WDR82: variants seen among roughly 807,000 people sequenced by gnomAD.
The protein encoded by WDR82 is WD repeat domain 82.
In WDR82, 8 loss-of-function variants were observed where a neutral mutation model predicts 36.1. The observed-to-expected ratio is 0.22, with a 90% CI of 0.13 to 0.40. The LOEUF (loss-of-function observed/expected upper bound fraction) is 0.40, where lower values mean the gene tolerates loss of function less well. Ranked by LOEUF, WDR82 falls within the 10% of genes least tolerant of loss-of-function variation. WDR82 has a pLI of 1.00. For missense variants in WDR82, 185 were observed against 400.5 expected (o/e 0.46, Z 4.59); for synonymous variants, 129 against 137.8 (o/e 0.94, Z 0.45).
intron 1 of WDR82, among the ~76,000 whole-genome samples, chr3:52,277,693 G>C (rs1448846705): frequency 2.0e-5 from 3 of 152,250 alleles, no homozygotes; most frequent in Non-Finnish European, 4.4e-5. Context: ...GCGGTCTGAC[G>C]GCAGAAAGGC....
At position 52,256,259 on chromosome 3, in the gene WDR82, C is replaced by G. The variant is rs1336773987; in HGVS notation, c.*1231G>C. 6.5e-6 allele frequency: 1 copy of G among 153,786 alleles called. No homozygotes were observed. The highest frequency in any genetic ancestry group is 1.5e-5 in the Non-Finnish European group (1 of 68,056). The allele number at this position is 153,786 out of a possible 1,614,324, so 9.5% of individuals were successfully genotyped here. On this transcript the variant is annotated 3_prime_UTR_variant, in exon 9 of 9. Transcript: ENST00000296490. ...GACTCACTAATACTTGTGGCAAACA[C>G]TATTAGCAGGGATGCAGGGTGTCTC...
Position 52,257,334 on chromosome 3 carries a change from T to C in WDR82, c.*156A>G, listed in dbSNP as rs966829555. On this transcript the variant is annotated 3_prime_UTR_variant, in exon 9 of 9. Transcript: ENST00000296490. ...GACGCTCATCAAAGTAATTATTTTC[T>C]TTTGAGCAGATGTACAGCACATCCA... The C allele has an allele frequency of 2.0e-6, 2 of 979,456 alleles. No homozygotes were observed. The highest frequency in any genetic ancestry group is 1.6e-5 in the African/African-American group (1 of 61,134). The allele number at this position is 979,456 out of a possible 1,614,324, so 60.7% of individuals were successfully genotyped here.
chr3:52,268,743 A>G (rs1259962300), intron 2 of WDR82, among the ~76,000 whole-genome samples: 1 of 152,124 alleles, frequency 6.6e-6, no homozygotes, highest in Non-Finnish European at 1.5e-5. Flanking sequence ...AAAAAATGGA[A>G]AAAAGGACTT....
At chr3:52,275,581 T>C (rs1700195701) in intron 1 of WDR82, among the ~76,000 whole-genome samples, 1 of 152,060 alleles carries the variant, frequency 6.6e-6, no homozygotes, top group Non-Finnish European at 1.5e-5. Context: ...AAGAATGTCT[T>C]TGTGCTTAGA....
At chr3:52,268,072 C>T in intron 2 of WDR82, 1 of 275,858 alleles carries the variant, frequency 3.6e-6, no homozygotes, top group Non-Finnish European at 7.5e-6. Context: ...TTGTATATTC[C>T]ATAACTTGAA....
Position 52,258,597 on chromosome 3 carries a change from G to A in WDR82, c.851C>T (p.Pro284Leu), listed in dbSNP as rs1424345325. The A allele has an allele frequency of 2.5e-6, 4 of 1,614,098 alleles. No homozygotes were observed. Among genetic ancestry groups the A allele is most frequent in the Admixed American group, 3.3e-5 (2 of 60,006 alleles). Residue 284 changes from proline (P) to leucine (L), a missense_variant, in exon 8 of 9, where the codon CCG becomes CTG. By Grantham distance (98) the Pro-to-Leu change is moderately conservative. Transcript: ENST00000296490. The stretch of plus-strand genomic sequence containing the variant: ...GGGGTTGAATTGCAAACAGGTAATC[G>A]GGCCTGTGTGTTTACCATCCAACAC... Reference protein sequence around the residue: ...VAVLDGKHTGPITCLQFNPKF... With the variant: ...VAVLDGKHTGLITCLQFNPKF...
chr3:52,259,347 T>G (rs1700039812), intron 6 of WDR82, 81 bp from the exon 7 acceptor site: 2 of 1,315,450 alleles, frequency 1.5e-6, no homozygotes, highest in South Asian at 2.4e-5. Flanking sequence ...ACTCAGCACA[T>G]GCATCACCTT....
chr3:52,262,486 C>T (rs537653420), intron 3 of WDR82, among the ~76,000 whole-genome samples: 8 of 152,314 alleles, frequency 5.3e-5, no homozygotes, highest in African/African-American at 1.4e-4. Flanking sequence ...TAAGTGGCAT[C>T]AGCATCACCT....
intron 4 of WDR82, 136 bp downstream of exon 4, chr3:52,261,242 CAG>C (rs998061985): frequency 1.2e-4 from 82 of 707,580 alleles, no homozygotes; most frequent in Non-Finnish European, 1.7e-4. Flanking sequence ...ACTAAAAAAA[CAG>C]ATTTTCTCCA....
At chr3:52,265,722 C>T (rs1700101014) in intron 3 of WDR82, among the ~76,000 whole-genome samples, 1 of 152,048 alleles carries the variant, frequency 6.6e-6, no homozygotes, top group South Asian at 2.1e-4. Context: ...ATTACAGGCG[C>T]ACACCACCAC....
intron 3 of WDR82, among the ~76,000 whole-genome samples, chr3:52,263,232 G>A (rs1472043486): frequency 6.6e-6 from 1 of 152,198 alleles, no homozygotes; most frequent in Non-Finnish European, 1.5e-5. Flanking sequence ...GAGAAGTACA[G>A]GGAACACATG....
chr3:52,255,353 A>G lies in WDR82; in HGVS notation c.*2137T>C, dbSNP rs556740879. On this transcript the variant is annotated 3_prime_UTR_variant, in exon 9 of 9. Transcript: ENST00000296490. ...TGCTTGGTGGCTGCTCTGGTTGCAG[A>G]TATGTGAAGTTAGGTAGCCTTTCCT... 2 of 152,226 alleles carry G rather than the reference A, an allele frequency of 1.3e-5. No individual in the cohort carries two copies. Among genetic ancestry groups the G allele is most frequent in the East Asian group, 1.9e-4 (1 of 5,172 alleles). The allele number at this position is 152,226 out of a possible 1,614,324, so 9.4% of individuals were successfully genotyped here.
chr3:52,258,779 G>A, intron 7 of WDR82, 101 bp from the exon 8 acceptor site: 4 of 1,537,612 alleles, frequency 2.6e-6, no homozygotes, highest in Non-Finnish European at 3.5e-6. Context: ...CCAAGCTTTA[G>A]GACCCATCCC....
At chr3:52,264,585 T>C (rs1247423661) in intron 3 of WDR82, among the ~76,000 whole-genome samples, 6 of 152,152 alleles carry the variant, frequency 3.9e-5, no homozygotes, top group African/African-American at 9.6e-5. Context: ...TCAAGTTTGA[T>C]AGTGAAAAGG....
chr3:52,269,402 G>A (rs1238303165), intron 2 of WDR82, among the ~76,000 whole-genome samples: 1 of 152,194 alleles, frequency 6.6e-6, no homozygotes, highest in Non-Finnish European at 1.5e-5. Context: ...TTGAACCCAG[G>A]AGGCTGAGAT....
chr3:52,277,988 TATTATAAA>T (rs1462511266), intron 1 of WDR82, among the ~76,000 whole-genome samples: 1 of 152,014 alleles, frequency 6.6e-6, no homozygotes, highest in African/African-American at 2.4e-5. Context: ...ATACAAATAA[TATTATAAA>T]ATTATGACTA....
rs758762517 is a variant in WDR82 at position 52,278,236 on chromosome 3, G to A, written c.126C>T (p.Asp42=). Residue 42 remains aspartate, a synonymous_variant, in exon 1 of 9, where the codon GAC becomes GAT. Transcript: ENST00000296490. ...NGETVISSSD[D]DSIVLYDCQE... is the part of the protein sequence containing the mutation. The stretch of plus-strand genomic sequence containing the variant: ...GGCAGTCATAGAGCACGATGGAGTC[G>A]TCGTCGCTACTCGAGATGACCGTCT... 2 of 1,607,882 alleles carry A rather than the reference G, an allele frequency of 1.2e-6. No individual in the cohort carries two copies. Among genetic ancestry groups the A allele is most frequent in the East Asian group, 2.3e-5 (1 of 43,864 alleles).
chr3:52,276,893 C>T (rs1009750541), intron 1 of WDR82, among the ~76,000 whole-genome samples: 10 of 151,406 alleles, frequency 6.6e-5, no homozygotes, highest in Non-Finnish European at 1.3e-4. Context: ...TCTCACAGCC[C>T]CAGTGGGGAA....
At chr3:52,259,627 A>G in intron 6 of WDR82, 90 bp downstream of exon 6, 2 of 1,435,694 alleles carry the variant, frequency 1.4e-6, no homozygotes, top group Non-Finnish European at 1.9e-6. Flanking sequence ...AGTCAAGAGT[A>G]ACTGTTGGTC....
Sources: gnomAD v4.1 joint callset for allele counts (sites outside exome capture counted in the v4.1 genomes callset) on GRCh38, gnomAD v4.1.1 for gene constraint, MANE v1.5 for transcripts, NCBI Gene and HGNC (gene_info 2026-07-23, HGNC 2026-07-21) for gene names.